The following USP6 variants were observed in gnomAD, a reference collection of about 807,000 sequenced individuals.
The protein encoded by USP6 is ubiquitin specific peptidase 6.
A neutral mutation model predicts 175.7 loss-of-function variants in USP6; 128 were observed. The observed-to-expected ratio is 0.73, with a 90% confidence interval of 0.63 to 0.84. USP6 has a LOEUF of 0.84. Among genes scored for constraint, USP6 ranks in the 40% least tolerant of loss-of-function variants. USP6 has a pLI of 0.00. For synonymous variants in USP6, 562 were observed against 630.6 expected, an observed-to-expected ratio of 0.89 and a Z score of 1.63; for missense variants, 1,498 against 1,760.3, an observed-to-expected ratio of 0.85 and a Z score of 2.67.
rs1555599067 is a variant in USP6, at chr17:5,141,989, A to G, written c.1574-14A>G. 3 of 1,607,904 alleles carry G rather than the reference A, an allele frequency of 1.9e-6. No individual in the cohort carries two copies. Among genetic ancestry groups the G allele is most frequent in the Non-Finnish European group, 8.5e-7 (1 of 1,178,030 alleles). ...ACTACAGCTAAGCTTTGGTTCTCAT[A>G]TTGTTTGTTCCAGTTCCCACAGAAA... is the stretch of plus-strand genomic sequence containing the variant. On this transcript the variant is annotated splice_polypyrimidine_tract_variant and intron_variant, in intron 23 of 37. Coordinates refer to ENST00000574788, the MANE Select transcript of USP6 (RefSeq NM_001304284.2).
rs1555593875 is a variant in USP6, at chr17:5,132,936, G to A, written c.222G>A (p.Thr74=). Residue 74 remains threonine, a synonymous_variant, in exon 13 of 38, where the codon ACG becomes ACA. Coordinates refer to ENST00000574788, the MANE Select transcript of USP6 (RefSeq NM_001304284.2). The surrounding 1 kb of genome is among the most constrained non-coding windows in gnomAD (Gnocchi z 4.7). ...AKKIRREMTR[T]SKWMEMLGEW... ...AAATTCGGCGGGAGATGACACGAAC[G>A]AGCAAGTGGATGGAAATGCTGGGAG... 1 of 1,614,186 alleles carries A rather than the reference G, an allele frequency of 6.2e-7. No individual in the cohort carries two copies. The highest frequency in any genetic ancestry group is 1.1e-5 in the South Asian group (1 of 91,074).
chr17:5,156,293 ATTTTCTTTTCTTTTTTTT>A (rs2073882337), intron 31 of USP6, among the ~76,000 whole-genome samples: 1 of 148,206 alleles, frequency 6.7e-6, no homozygotes, highest in Non-Finnish European at 1.5e-5. Flanking sequence ...ATTGTAGATC[ATTTTCTTTTCTTTTTTTT>A]TTTTCTTTTC....
At chr17:5,137,898 C>T (rs2073309722) in intron 20 of USP6, 148 bp downstream of exon 20, 32 of 1,542,194 alleles carry the variant, frequency 2.1e-5, no homozygotes, top group Non-Finnish European at 2.7e-5. Flanking sequence ...GGCACTGTGA[C>T]ACCGAGCCCA....
chr17:5,145,984 C>A, intron 27 of USP6, 39 bp from the exon 28 acceptor site: 1 of 1,537,018 alleles, frequency 6.5e-7, no homozygotes, highest in African/African-American at 1.4e-5. Flanking sequence ...TTCAATGAAA[C>A]CTGCATTTTA....
At chr17:5,147,871 TTTTTA>T (rs951969481) in intron 29 of USP6, among the ~76,000 whole-genome samples, 8 of 152,174 alleles carry the variant, frequency 5.3e-5, no homozygotes, top group African/African-American at 1.9e-4. Context: ...GCATTTTTAA[TTTTTA>T]TTTTATTTTA....
At position 5,125,885 on chromosome 17, in the gene USP6, C is replaced by G. The variant is rs1227993960; in HGVS notation, c.-527C>G. On this transcript the variant is annotated 5_prime_UTR_variant, in exon 6 of 38. Transcript: ENST00000574788. ...CCGCCTCCTGGGTTCAAGCAATTCT[C>G]CTGCCTCAGCCTCCCGAGTAGCTGG... 6.6e-6 allele frequency: 1 copy of G among 152,266 alleles called. No homozygotes were observed. The highest frequency in any genetic ancestry group is 1.5e-5 in the Non-Finnish European group (1 of 68,112). 9.4% of individuals were successfully genotyped at this position (152,266 alleles called of 1,614,324 possible).
chr17:5,173,304 A>T lies in USP6; in HGVS notation c.*326A>T. The stretch of plus-strand genomic sequence containing the variant: ...ATATGTAGTGAGTATAGAGTTTACC[A>T]ATAATCATAACAAATATTAAAGATT... On this transcript the variant is annotated 3_prime_UTR_variant, in exon 38 of 38. Coordinates refer to ENST00000574788, the MANE Select transcript of USP6 (RefSeq NM_001304284.2). 4.0e-6 allele frequency: 1 copy of T among 250,726 alleles called. No homozygotes were observed. 15.5% of individuals were successfully genotyped at this position (250,726 alleles called of 1,614,324 possible). A position where few individuals can be genotyped will look rare whatever the true frequency, so the allele number is the denominator to read the frequency against.
At chr17:5,144,952 T>A in intron 26 of USP6, 89 bp downstream of exon 26, 1 of 1,449,498 alleles carries the variant, frequency 6.9e-7, no homozygotes, top group Non-Finnish European at 9.1e-7. Flanking sequence ...CAAACTAAAC[T>A]ATTCTGAGAT....
chr17:5,134,026 C>T (rs532566957), intron 15 of USP6, 30 bp downstream of exon 15: 23 of 1,603,924 alleles, frequency 1.4e-5, no homozygotes, highest in Non-Finnish European at 1.9e-5. Flanking sequence ...ACAGTCCCAG[C>T]AGAGATGGGG....
At chr17:5,165,359 C>T (rs1418465212) in intron 33 of USP6, among the ~76,000 whole-genome samples, 1 of 152,112 alleles carries the variant, frequency 6.6e-6, no homozygotes, top group African/African-American at 2.4e-5. Context: ...CCTCAGATTC[C>T]TCAGTAGAAA....
At chr17:5,156,588 G>A (rs1400569302) in intron 31 of USP6, among the ~76,000 whole-genome samples, 1 of 152,142 alleles carries the variant, frequency 6.6e-6, no homozygotes, top group Non-Finnish European at 1.5e-5. Context: ...TTACAGGCGT[G>A]AGCCACCTCA....
Position 5,133,565 on chromosome 17 carries a change from A to G in USP6, c.384+15A>G, listed in dbSNP as rs1252504105. On this transcript the variant is annotated intron_variant, in intron 14 of 37. Coordinates refer to ENST00000574788, the MANE Select transcript of USP6 (RefSeq NM_001304284.2). ...GAAGATACCAGGTATGCTCAGCCAG[A>G]GCACAACAAACAGGACAGGCCGTGT... The G allele has an allele frequency of 3.9e-5, 61 of 1,556,750 alleles. No homozygotes were observed. The highest frequency in any genetic ancestry group is 5.2e-5 in the Non-Finnish European group (59 of 1,145,288).
intron 33 of USP6, among the ~76,000 whole-genome samples, chr17:5,167,003 C>G (rs2074109221): frequency 6.6e-6 from 1 of 152,170 alleles, no homozygotes; most frequent in Non-Finnish European, 1.5e-5. Flanking sequence ...GCTTGTTCTT[C>G]CTTTTGTTGC....
intron 30 of USP6, among the ~76,000 whole-genome samples, chr17:5,153,986 G>T (rs972169396): frequency 6.6e-6 from 1 of 152,198 alleles, no homozygotes; most frequent in African/African-American, 2.4e-5. Context: ...GTTAATAACT[G>T]GGAGTAGAAT....
At chr17:5,147,016 T>C in intron 28 of USP6, 67 bp from the exon 29 acceptor site, 2 of 1,461,004 alleles carry the variant, frequency 1.4e-6, no homozygotes, top group East Asian at 2.3e-5. Context: ...TGAAATACAT[T>C]AGAGAGAGAA....
chr17:5,150,848 T>A (rs1340980939), intron 30 of USP6, among the ~76,000 whole-genome samples: 1 of 152,132 alleles, frequency 6.6e-6, no homozygotes, highest in African/African-American at 2.4e-5. Context: ...AAGGTTTCAG[T>A]AGGGTGGGGG....
chr17:5,145,436 C>G lies in USP6; in HGVS notation c.2024C>G (p.Ser675Ter). The G allele has an allele frequency of 1.2e-6, 2 of 1,610,566 alleles. No individual in the cohort carries two copies. The highest frequency in any genetic ancestry group is 2.2e-5 in the South Asian group (2 of 90,280). Residue 675 changes from serine to a stop codon, truncating the protein, a stop_gained, in exon 27 of 38, where the codon TCA (serine) becomes TGA (stop). Coordinates refer to ENST00000574788, the MANE Select transcript of USP6 (RefSeq NM_001304284.2). LOFTEE classifies it high-confidence loss of function. ...GACAACCATCTAAGAAGAAATAGAT[C>G]AATTATTGTGGATTTGTTCCATGGG... Reference protein sequence around the residue: ...AWDNHLRRNRSIIVDLFHGQL... With the variant: ...AWDNHLRRNR
At chr17:5,123,334 G>A (rs1403127783) in intron 4 of USP6, among the ~76,000 whole-genome samples, 1 of 151,922 alleles carries the variant, frequency 6.6e-6, no homozygotes, top group Non-Finnish European at 1.5e-5. Context: ...CTCCCCGCCC[G>A]GGCACGGCCT....
intron 4 of USP6, among the ~76,000 whole-genome samples, chr17:5,122,114 G>A (rs1451339434): frequency 6.6e-6 from 1 of 151,406 alleles, no homozygotes; most frequent in Non-Finnish European, 1.5e-5. Flanking sequence ...AGTGTGGCCA[G>A]AGAAGTCCTG....
Sources: allele counts gnomAD v4.1 joint callset (sites outside exome capture counted in the v4.1 genomes callset), GRCh38; gene constraint gnomAD v4.1.1; non-coding constraint Gnocchi (gnomAD v3.1); transcripts MANE v1.5; gene names NCBI Gene and HGNC (gene_info 2026-07-23, HGNC 2026-07-21).